Variants in SUGP2 observed in about 807,000 individuals in gnomAD.
The protein encoded by SUGP2 is SURP and G-patch domain containing 2.
A neutral mutation model predicts 90.5 loss-of-function variants in SUGP2; 24 were observed. That is an observed-to-expected ratio of 0.27 (90% CI 0.19 to 0.37). The LOEUF (loss-of-function observed/expected upper bound fraction) is 0.37, where lower values mean the gene tolerates loss of function less well. SUGP2 is among the 10% of genes least tolerant of loss of function. The probability of loss-of-function intolerance (pLI) is 1.00; values close to 1 mark genes in which losing one functional copy is unlikely to be tolerated. For missense variants in SUGP2, 1,233 were observed against 1,363.3 expected, an observed-to-expected ratio of 0.90 and a Z score of 1.51; for synonymous variants, 473 against 513.4, an observed-to-expected ratio of 0.92 and a Z score of 1.06.
At position 19,033,496 on chromosome 19, in the gene SUGP2, C is replaced by T. The variant is rs1219293047; in HGVS notation, c.-71G>A. ...CCGCCTCAGGCTCCTCACCCGCCGC[C>T]GCCGCCGCGCGAGGCGGGGACATGC... On this transcript the variant is annotated 5_prime_UTR_variant, in exon 1 of 11. Coordinates refer to ENST00000452918, the MANE Select transcript of SUGP2 (RefSeq NM_001017392.5). The T allele has an allele frequency of 2.1e-6, 3 of 1,407,938 alleles. No individual in the cohort carries two copies. The highest frequency in any genetic ancestry group is 3.0e-5 in the African/African-American group (2 of 65,792). 87.2% of individuals were successfully genotyped at this position (1,407,938 alleles called of 1,614,324 possible). A position where few individuals can be genotyped will look rare whatever the true frequency, so the allele number is the denominator to read the frequency against.
rs2058259177 is a variant in SUGP2, at chr19:19,010,262, A to G, written c.1931T>C (p.Leu644Ser). The change falls in exon 5 of 11, where the codon TTG becomes TCG. Residue 644 changes from leucine (L) to serine (S), a missense_variant. Around this residue, in one of 8 missense-constraint regions of SUGP2, gnomAD observed 540 missense variants for 542.6 expected, o/e 1.00. Transcript: ENST00000452918. ...GGTCGGCTTCTGGTCGGCTCCTCGCAAGTTCTCGCTCATCCGCTGCATTTC... is the reference window on the plus strand; with the variant it reads ...GGTCGGCTTCTGGTCGGCTCCTCGCGAGTTCTCGCTCATCCGCTGCATTTC... ...LAEMQRMSENLRGADQKPTSA... is the reference protein window; with the variant it reads ...LAEMQRMSENSRGADQKPTSA... 2.5e-6 allele frequency: 4 copies of G among 1,613,814 alleles called. No individual in the cohort carries two copies. In the African/African-American group the frequency reaches 5.3e-5, roughly 22 times the overall value.
intron 8 of SUGP2, among the ~76,000 whole-genome samples, chr19:18,997,800 A>AGAAAGAAAG (rs532709043): frequency 6.8e-6 from 1 of 147,742 alleles, no homozygotes; most frequent in Non-Finnish European, 1.5e-5. Context: ...AAAAAAAAAA[A>AGAAAGAAAG]AAAGAAAGAA....
At position 19,025,548 on chromosome 19, in the gene SUGP2, C is replaced by T; in HGVS notation, c.800G>A (p.Gly267Asp). ...AGTGTTTTTCTGGATTTGGTTAGTG[C>T]CCTGAGTTTTGGGAGTAATACGATT... ...TVNRITPKTQ[G>D]TNQIQKNTPS... Residue 267 changes from glycine to aspartate, a missense_variant, in exon 3 of 11, where the codon GGC (glycine) becomes GAC (aspartate). Coordinates refer to ENST00000452918, the MANE Select transcript of SUGP2 (RefSeq NM_001017392.5). 6.2e-7 allele frequency: 1 copy of T among 1,613,930 alleles called. No homozygotes were observed. Among genetic ancestry groups the T allele is most frequent in the African/African-American group, 1.3e-5 (1 of 74,966 alleles).
intron 3 of SUGP2, among the ~76,000 whole-genome samples, chr19:19,022,413 A>C (rs1384750998): frequency 6.6e-6 from 1 of 152,220 alleles, no homozygotes; most frequent in African/African-American, 2.4e-5. Context: ...ATGTGAACCC[A>C]GGTCTGTCTG....
chr19:19,025,251 A>G lies in SUGP2; in HGVS notation c.1097T>C (p.Leu366Pro). 1.2e-6 allele frequency: 2 copies of G among 1,613,300 alleles called. No individual in the cohort carries two copies. Among genetic ancestry groups the G allele is most frequent in the Non-Finnish European group, 8.5e-7 (1 of 1,180,014 alleles). Residue 366 changes from leucine (L) to proline (P), a missense_variant, in exon 3 of 11, where the codon CTT becomes CCT. Leu to Pro is a moderately conservative substitution (Grantham distance 98). Around this residue, in one of 8 missense-constraint regions of SUGP2, gnomAD observed 55 missense variants for 82.0 expected, o/e 0.67. Coordinates refer to ENST00000452918, the MANE Select transcript of SUGP2 (RefSeq NM_001017392.5). ...ELETETCAKM[L>P]ASFKCSLKPE... ...TTTTAAGGAACATTTGAATGAGGCAAGCATTTTAGCACAGGTTTCTGTTTC... is the reference window on the plus strand; with the variant it reads ...TTTTAAGGAACATTTGAATGAGGCAGGCATTTTAGCACAGGTTTCTGTTTC...
intron 10 of SUGP2, chr19:18,994,121 C>T (rs1439864533): frequency 2.4e-6 from 1 of 409,816 alleles, no homozygotes; most frequent in South Asian, 3.6e-5. Flanking sequence ...GCCGGGGCAC[C>T]AGGCAGGCCA....
intron 7 of SUGP2, among the ~76,000 whole-genome samples, chr19:19,003,895 C>A (rs577597131): frequency 3.0e-4 from 46 of 152,306 alleles, no homozygotes; most frequent in Non-Finnish European, 6.0e-4. Flanking sequence ...CCAGGCCCAT[C>A]CCCTCCACAG....
chr19:19,028,745 C>G (rs906224119), intron 2 of SUGP2, among the ~76,000 whole-genome samples: 1 of 152,204 alleles, frequency 6.6e-6, no homozygotes, highest in Non-Finnish European at 1.5e-5. Flanking sequence ...GTCACCCACG[C>G]TGGAGCGCAG....
At chr19:18,999,772 A>G (rs773870317) in intron 8 of SUGP2, among the ~76,000 whole-genome samples, 13 of 152,208 alleles carry the variant, frequency 8.5e-5, no homozygotes, top group Non-Finnish European at 7.4e-5. Context: ...GTCTCTCCAC[A>G]TGTGTCCCAG....
At chr19:19,032,518 C>T (rs1470434022) in intron 1 of SUGP2, among the ~76,000 whole-genome samples, 3 of 152,148 alleles carry the variant, frequency 2.0e-5, no homozygotes, top group Admixed American at 1.3e-4. Context: ...TGAGAACTTC[C>T]TTCCCTTCTA....
At position 19,009,841 on chromosome 19, in the gene SUGP2, G is replaced by A; in HGVS notation, c.2338+14C>T. 1 of 1,592,790 alleles carries A rather than the reference G, an allele frequency of 6.3e-7. No homozygotes were observed. The highest frequency in any genetic ancestry group is 1.1e-5 in the South Asian group (1 of 87,478). ...ACTGGGGCCCAGAGGAGGGGGACAGGAGTGAGCACCCACTGTCAGCAGATG... is the reference window on the plus strand; with the variant it reads ...ACTGGGGCCCAGAGGAGGGGGACAGAAGTGAGCACCCACTGTCAGCAGATG... On this transcript the variant is annotated intron_variant, in intron 5 of 10. Coordinates refer to ENST00000452918, the MANE Select transcript of SUGP2 (RefSeq NM_001017392.5).
intron 2 of SUGP2, among the ~76,000 whole-genome samples, chr19:19,027,340 A>G (rs1409697657): frequency 6.6e-6 from 1 of 152,178 alleles, no homozygotes; most frequent in Non-Finnish European, 1.5e-5. Flanking sequence ...GCCAGGAGGT[A>G]GCAATAGGTT....
chr19:19,024,337 T>C (rs1258044181), intron 3 of SUGP2, among the ~76,000 whole-genome samples: 1 of 151,826 alleles, frequency 6.6e-6, no homozygotes, highest in African/African-American at 2.4e-5. Context: ...TCTCAAACTC[T>C]TGGTCTTAAG....
chr19:19,027,197 AGAAGT>A (rs2058969997), intron 2 of SUGP2, among the ~76,000 whole-genome samples: 1 of 152,210 alleles, frequency 6.6e-6, no homozygotes, highest in African/African-American at 2.4e-5. Context: ...AGCGAGGAAG[AGAAGT>A]GAACTACGGG....
In SUGP2 at chr19:19,024,834, T is replaced by C; in HGVS notation, c.1514A>G (p.Gln505Arg). 1.2e-6 allele frequency: 2 copies of C among 1,614,182 alleles called. No individual in the cohort carries two copies. The highest frequency in any genetic ancestry group is 1.7e-6 in the Non-Finnish European group (2 of 1,180,032). ...CGCAGCAGGTGAGGGAGCTATATCT[T>C]GCAGGCCGACAGCTTCTAAGATTTT... ...QEKILEAVGL[Q>R]DIAPSPAAFP... The change falls in exon 3 of 11, where the codon CAA (glutamine) becomes CGA (arginine). Residue 505 changes from glutamine (Q) to arginine (R), a missense_variant. By Grantham distance (43) the Gln-to-Arg change is conservative. Around this residue, in one of 8 missense-constraint regions of SUGP2, gnomAD observed 540 missense variants for 542.6 expected, o/e 1.00. Coordinates refer to ENST00000452918, the MANE Select transcript of SUGP2 (RefSeq NM_001017392.5).
rs1453621047 is a variant in SUGP2, at chr19:19,026,243, A to C, written c.122-17T>G. The C allele has an allele frequency of 2.4e-5, 10 of 416,330 alleles. No homozygotes were observed. The highest frequency in any genetic ancestry group is 1.8e-4 in the African/African-American group (7 of 38,746). The allele number at this position is 416,330 out of a possible 1,614,324, so 25.8% of individuals were successfully genotyped here. A position where few individuals can be genotyped will look rare whatever the true frequency, so the allele number is the denominator to read the frequency against. ...TTAAGAGATCTGAAATAAACCATCC[A>C]AAAAAAAAAAAGAAGAAGCCAAAAG... On this transcript the variant is annotated splice_polypyrimidine_tract_variant and intron_variant, in intron 2 of 10. Transcript: ENST00000452918.
intron 2 of SUGP2, among the ~76,000 whole-genome samples, chr19:19,026,662 A>AC (rs2058944162): frequency 6.6e-6 from 1 of 152,182 alleles, no homozygotes; most frequent in Non-Finnish European, 1.5e-5. Context: ...CAACTGGAGC[A>AC]CTTCTGTGTT....
chr19:18,997,518 C>T (rs914488679), intron 8 of SUGP2, among the ~76,000 whole-genome samples: 3 of 152,182 alleles, frequency 2.0e-5, no homozygotes, highest in African/African-American at 7.2e-5. Flanking sequence ...GGCGCGGTGG[C>T]TCACGCCTGT....
In SUGP2 at chr19:19,001,606, C is replaced by A. The variant is rs754427707; in HGVS notation, c.2991+7G>T. 2 of 1,614,012 alleles carry A rather than the reference C, an allele frequency of 1.2e-6. No homozygotes were observed. Among genetic ancestry groups the A allele is most frequent in the Non-Finnish European group, 8.5e-7 (1 of 1,179,862 alleles). ...TTTGAGTGAGGACTACCAATGATTACGCTCACCTTCTTTTTGGACATGGGA... is the reference window on the plus strand; with the variant it reads ...TTTGAGTGAGGACTACCAATGATTAAGCTCACCTTCTTTTTGGACATGGGA... On this transcript the variant is annotated splice_region_variant and intron_variant, in intron 8 of 10. Coordinates refer to ENST00000452918, the MANE Select transcript of SUGP2 (RefSeq NM_001017392.5).
Sources: gnomAD v4.1 joint callset for allele counts (sites outside exome capture counted in the v4.1 genomes callset) on GRCh38, gnomAD v4.1.1 for gene constraint, gnomAD v4.1.1 regional missense constraint, MANE v1.5 for transcripts, NCBI Gene and HGNC (gene_info 2026-07-23, HGNC 2026-07-21) for gene names.